NRXN1: variants seen among roughly 807,000 people sequenced by gnomAD.
The protein encoded by NRXN1 is neurexin-1.
In NRXN1, 39 loss-of-function variants were observed where a neutral mutation model predicts 150.9. That is an observed-to-expected ratio of 0.26 (90% CI 0.20 to 0.34). The LOEUF (loss-of-function observed/expected upper bound fraction) is 0.34. NRXN1 is among the 10% of genes least tolerant of loss of function. NRXN1 has a pLI of 1.00. For synonymous variants in NRXN1, 924 were observed against 757.0 expected, an observed-to-expected ratio of 1.22 and a Z score of -3.62; for missense variants, 1,815 against 1,949.9, an observed-to-expected ratio of 0.93 and a Z score of 1.30.
chr2:50,483,248 A>G (rs1448412979), intron 15 of NRXN1, among the ~76,000 whole-genome samples: 10 of 152,070 alleles, frequency 6.6e-5, no homozygotes, highest in African/African-American at 2.2e-4. Flanking sequence ...ATATGGCTTA[A>G]AAAGGGGAGG....
chr2:50,363,290 C>G (rs2079352269), intron 17 of NRXN1, among the ~76,000 whole-genome samples: 1 of 152,136 alleles, frequency 6.6e-6, no homozygotes, highest in Non-Finnish European at 1.5e-5. Context: ...AAACTATCAT[C>G]AAAGTGAACA....
chr2:49,922,396 G>C, intron 22 of NRXN1, 145 bp from the exon 23 acceptor site: 2 of 842,614 alleles, frequency 2.4e-6, no homozygotes, highest in Non-Finnish European at 3.8e-6. Flanking sequence ...CCATCCCTTT[G>C]CCTCATGGTT....
intron 19 of NRXN1, among the ~76,000 whole-genome samples, chr2:50,059,014 T>C (rs1437514301): frequency 6.6e-6 from 1 of 152,132 alleles, no homozygotes; most frequent in African/African-American, 2.4e-5. Context: ...TGGAGTACTG[T>C]TATTAAGATA....
intron 2 of NRXN1, among the ~76,000 whole-genome samples, chr2:50,950,732 T>C (rs145123263): frequency 6.6e-6 from 1 of 152,214 alleles, no homozygotes; most frequent in Admixed American, 6.5e-5. Context: ...ATTTTGGTAA[T>C]AATAAGCAGT....
At chr2:50,048,675 T>C (rs1403158991) in intron 21 of NRXN1, among the ~76,000 whole-genome samples, 4 of 152,278 alleles carry the variant, frequency 2.6e-5, no homozygotes, top group African/African-American at 9.6e-5. Context: ...AAAACCCAAC[T>C]GGGAATCAAA....
In NRXN1 at chr2:50,209,521, T is replaced by C. The variant is rs1265941703; in HGVS notation, c.3546+27268A>G. Reference sequence around the variant, plus strand: ...CCCAAAACTGTAAAGGTGGAAATAATTGGGGCCAAAATTCAAGTTTATCAG... The same window carrying C: ...CCCAAAACTGTAAAGGTGGAAATAACTGGGGCCAAAATTCAAGTTTATCAG... On this transcript the variant is annotated intron_variant, in intron 18 of 22. Coordinates refer to ENST00000401669, the MANE Select transcript of NRXN1 (RefSeq NM_001330078.2). Among the ~76,000 whole-genome samples the C allele has an allele frequency of 1.2e-4, 18 of 152,198 alleles. 1 individual carries two copies. The South Asian group carries it at 1.2e-3, about 11-fold the overall frequency.
At position 50,684,455 on chromosome 2, in the gene NRXN1, T is replaced by C. The variant is rs113385479; in HGVS notation, c.833-60840A>G. ...AGGTCAAAACTGCAGTAAGCTGTGA[T>C]GGTGTCACTACACTGCAGCCTGGGT... On this transcript the variant is annotated intron_variant, in intron 5 of 22. Transcript: ENST00000401669. 1.7e-3 allele frequency among the ~76,000 whole-genome samples: 265 copies of C among 152,280 alleles called. 4 individuals are homozygous for C. Among genetic ancestry groups the C allele is most frequent in the African/African-American group, 6.2e-3 (256 of 41,566 alleles).
chr2:50,748,078 T>C (rs1214896148), intron 5 of NRXN1, among the ~76,000 whole-genome samples: 25 of 152,182 alleles, frequency 1.6e-4, no homozygotes, highest in Admixed American at 9.2e-4. Context: ...AACAACATCA[T>C]CAGCTGGGTA....
At chr2:50,697,739 G>A (rs576269300) in intron 5 of NRXN1, among the ~76,000 whole-genome samples, 3 of 152,236 alleles carry the variant, frequency 2.0e-5, no homozygotes, top group African/African-American at 7.2e-5. Flanking sequence ...ATCCTGGGTT[G>A]CCATGGTCTA....
chr2:50,465,418 G>C (rs202198828), intron 17 of NRXN1, 24 bp downstream of exon 17: 91 of 1,593,188 alleles, frequency 5.7e-5, no homozygotes, highest in Non-Finnish European at 7.3e-5. Context: ...ATGAGTATCA[G>C]TCCATACTCA....
At chr2:50,875,783 C>G (rs1178907728) in intron 5 of NRXN1, among the ~76,000 whole-genome samples, 1 of 151,756 alleles carries the variant, frequency 6.6e-6, no homozygotes, top group Non-Finnish European at 1.5e-5. Context: ...TAATGGGTGG[C>G]AGAAGCAAAT....
At chr2:50,217,333 A>T (rs192703760) in intron 18 of NRXN1, among the ~76,000 whole-genome samples, 28 of 152,170 alleles carry the variant, frequency 1.8e-4, no homozygotes, top group African/African-American at 6.7e-4. Flanking sequence ...GATGTTCAAC[A>T]TGCATATCAG....
intron 5 of NRXN1, among the ~76,000 whole-genome samples, chr2:50,908,264 G>A (rs1684015284): frequency 1.3e-5 from 2 of 151,858 alleles, no homozygotes; most frequent in African/African-American, 4.8e-5. Flanking sequence ...CTTATGAGCA[G>A]TTCATGTGGA....
At chr2:51,026,107 C>G (rs1477989681) in intron 2 of NRXN1, among the ~76,000 whole-genome samples, 1 of 152,170 alleles carries the variant, frequency 6.6e-6, no homozygotes, top group Non-Finnish European at 1.5e-5. Context: ...ACTGCCAACT[C>G]TAATAAGATT....
chr2:50,528,978 A>G (rs2093029505), intron 11 of NRXN1: 1 of 257,770 alleles, frequency 3.9e-6, no homozygotes, highest in East Asian at 1.1e-4. Flanking sequence ...AGAACATATC[A>G]TTGTTTTCCG....
rs532496140 is a variant in NRXN1, at chr2:50,350,420, C to G, written c.3365-113450G>C. Among the ~76,000 whole-genome samples, 4 of 152,236 alleles carry G rather than the reference C, an allele frequency of 2.6e-5. No individual in the cohort carries two copies. In the East Asian group the frequency reaches 7.7e-4, roughly 29 times the overall value. On this transcript the variant is annotated intron_variant, in intron 17 of 22. Transcript: ENST00000401669. Reference sequence around the variant, plus strand: ...TGCTAAAAAGACCTAAAATAGCGCACTTGTTTACAGTGTGAGAGCTGAAAC... The same window carrying G: ...TGCTAAAAAGACCTAAAATAGCGCAGTTGTTTACAGTGTGAGAGCTGAAAC...
chr2:50,936,198 CACCATGCTCTAACCA>C (rs1260376270), intron 2 of NRXN1, among the ~76,000 whole-genome samples: 1 of 152,132 alleles, frequency 6.6e-6, no homozygotes, highest in Non-Finnish European at 1.5e-5. Context: ...ATTTTATCAG[CACCATGCTCTAACCA>C]ACTGAGCTAA....
chr2:50,621,732 T>A (rs1202968133), intron 6 of NRXN1, among the ~76,000 whole-genome samples: 1 of 152,108 alleles, frequency 6.6e-6, no homozygotes, highest in Non-Finnish European at 1.5e-5. Flanking sequence ...ACTACTCAAT[T>A]TTACAGCATA....
intron 9 of NRXN1, among the ~76,000 whole-genome samples, chr2:50,543,864 G>T (rs1378090651): frequency 6.6e-6 from 1 of 152,094 alleles, no homozygotes; most frequent in Admixed American, 6.5e-5. Context: ...TAAATTACTA[G>T]GAAATGAGGA....
Sources: allele counts gnomAD v4.1 joint callset (sites outside exome capture counted in the v4.1 genomes callset), GRCh38; gene constraint gnomAD v4.1.1; transcripts MANE v1.5; gene names NCBI Gene and HGNC (gene_info 2026-07-23, HGNC 2026-07-21).